Variants in ACER1 observed in about 807,000 individuals in gnomAD.
The protein encoded by ACER1 is CTB-180A7.3.
ACER1 carries 28 observed loss-of-function variants against 24.9 expected under a neutral mutation model. That is an observed-to-expected ratio of 1.13 (90% CI 0.83 to 1.54). ACER1 has a LOEUF of 1.54. ACER1 is among the 40% of genes most tolerant of loss of function. The pLI is 0.00. For missense variants in ACER1, 352 were observed against 349.3 expected, an observed-to-expected ratio of 1.01 and a Z score of -0.06; for synonymous variants, 132 against 131.4, an observed-to-expected ratio of 1.00 and a Z score of -0.03.
chr19:6,346,646 G>A, the ACER1 span, among the ~76,000 whole-genome samples: 1 of 150,718 alleles, frequency 6.6e-6, no homozygotes, highest in Non-Finnish European at 1.5e-5. Flanking sequence ...CTCCCAAAAT[G>A]CTAGGATAAT....
chr19:6,306,621 G>T lies in ACER1; in HGVS notation c.*93C>A. On this transcript the variant is annotated 3_prime_UTR_variant, in exon 6 of 6. Transcript: ENST00000301452. ...AAGGGGAAACAGAGGAAGGAACCACGAGTGTCCCGCAGGTGCAAGTCCTGA... is the reference window on the plus strand; with the variant it reads ...AAGGGGAAACAGAGGAAGGAACCACTAGTGTCCCGCAGGTGCAAGTCCTGA... 1 of 1,436,642 alleles carries T rather than the reference G, an allele frequency of 7.0e-7. No individual in the cohort carries two copies. Among genetic ancestry groups the T allele is most frequent in the Non-Finnish European group, 9.5e-7 (1 of 1,058,196 alleles). The allele number at this position is 1,436,642 out of a possible 1,614,324, so 89.0% of individuals were successfully genotyped here.
the ACER1 span, among the ~76,000 whole-genome samples, chr19:6,356,959 C>A: frequency 7.0e-6 from 1 of 142,194 alleles, no homozygotes; most frequent in Admixed American, 6.8e-5. Context: ...GAAAATTAAA[C>A]AAGGCAAATG....
In ACER1 at chr19:6,312,117, CA is replaced by C. The variant is rs757229824; in HGVS notation, c.350+31del. The C allele has an allele frequency of 2.6e-5, 42 of 1,607,980 alleles. No homozygotes were observed. In the East Asian group the frequency reaches 8.7e-4, roughly 33 times the overall value. ...TAGAGTCAACTGAAGACTCAGACCC[CA>C]CCCTGTCCAGATGGCCAGCCCCTGA... On this transcript the variant is annotated intron_variant, in intron 3 of 5. Transcript: ENST00000301452.
upstream of ACER1, among the ~76,000 whole-genome samples, chr19:6,337,314 A>T (rs1038482637): frequency 6.6e-6 from 1 of 152,166 alleles, no homozygotes; most frequent in Non-Finnish European, 1.5e-5. Context: ...AAAAGAAAAG[A>T]AAAGCCCTTC....
intron 4 of ACER1, 40 bp from the exon 5 acceptor site, chr19:6,307,330 GCAGCAC>G: frequency 6.2e-7 from 1 of 1,609,014 alleles, no homozygotes; most frequent in Non-Finnish European, 8.5e-7. Flanking sequence ...GGCTCGGAGA[GCAGCAC>G]CTGATGGGGC....
At chr19:6,352,270 T>A in the ACER1 span, among the ~76,000 whole-genome samples, 1 of 152,054 alleles carries the variant, frequency 6.6e-6, no homozygotes, top group African/African-American at 2.4e-5. Context: ...CTCTGACCAA[T>A]GGAATGTGGC....
At chr19:6,325,419 G>A (rs760984379) in intron 1 of ACER1, among the ~76,000 whole-genome samples, 3 of 152,222 alleles carry the variant, frequency 2.0e-5, no homozygotes, top group Non-Finnish European at 2.9e-5. Context: ...TTGGGAGGCT[G>A]AGGTGGGTGG....
intron 1 of ACER1, among the ~76,000 whole-genome samples, chr19:6,327,136 C>A (rs2091664978): frequency 6.6e-6 from 1 of 152,158 alleles, no homozygotes; most frequent in South Asian, 2.1e-4. Flanking sequence ...CCAAACAGAG[C>A]AGCAAGAAAG....
At chr19:6,358,718 G>A in the ACER1 span, among the ~76,000 whole-genome samples, 8 of 151,648 alleles carry the variant, frequency 5.3e-5, no homozygotes, top group Non-Finnish European at 8.8e-5. Context: ...TGGATCACCT[G>A]AGGTCGCGAG....
intron 1 of ACER1, among the ~76,000 whole-genome samples, chr19:6,326,437 T>TA (rs1267401742): frequency 6.6e-6 from 1 of 151,762 alleles, no homozygotes. Flanking sequence ...ATTTTTTTTT[T>TA]AATCTTTTGT....
upstream of ACER1, among the ~76,000 whole-genome samples, chr19:6,334,615 G>A (rs150754154): frequency 2.6e-3 from 403 of 152,248 alleles, no homozygotes; most frequent in Middle Eastern, 0.014. Context: ...CCAAGGTGCC[G>A]GGATTATACG....
At chr19:6,336,787 T>A (rs1415185530), upstream of ACER1, among the ~76,000 whole-genome samples, 3 of 146,376 alleles carry the variant, frequency 2.0e-5, no homozygotes, top group Non-Finnish European at 3.0e-5. Context: ...GCCACTGCAC[T>A]TCAGCCCGGG....
the ACER1 span, among the ~76,000 whole-genome samples, chr19:6,345,069 G>A: frequency 1.3e-5 from 2 of 151,924 alleles, no homozygotes; most frequent in Non-Finnish European, 2.9e-5. Flanking sequence ...GTTTCACCAC[G>A]TTGGCCAGGA....
At chr19:6,350,908 A>G in the ACER1 span, among the ~76,000 whole-genome samples, 1 of 152,162 alleles carries the variant, frequency 6.6e-6, no homozygotes, top group East Asian at 1.9e-4. Context: ...AGCAGATCTG[A>G]GCCAATAGAG....
At chr19:6,356,343 G>A in the ACER1 span, among the ~76,000 whole-genome samples, 4 of 149,066 alleles carry the variant, frequency 2.7e-5, no homozygotes, top group Non-Finnish European at 5.9e-5. Flanking sequence ...GCGGAAGGCC[G>A]CAGGGTCCTC....
intron 1 of ACER1, among the ~76,000 whole-genome samples, chr19:6,321,943 G>A (rs2091633331): frequency 6.6e-6 from 1 of 152,118 alleles, no homozygotes; most frequent in Non-Finnish European, 1.5e-5. Flanking sequence ...GATCACTGCT[G>A]TGTCCTCAGA....
chr19:6,309,634 G>C (rs2091567794), intron 4 of ACER1, 63 bp downstream of exon 4: 5 of 1,602,726 alleles, frequency 3.1e-6, no homozygotes, highest in Middle Eastern at 1.7e-4. Context: ...CGCGAGCCTG[G>C]AGTCAGGGGT....
chr19:6,340,320 G>C, the ACER1 span, among the ~76,000 whole-genome samples: 1 of 86,988 alleles, frequency 1.1e-5, no homozygotes, highest in Non-Finnish European at 2.4e-5. Context: ...AGGAAGGAAG[G>C]AAGGAAGGAA....
At chr19:6,308,765 G>T (rs1022587712) in intron 4 of ACER1, among the ~76,000 whole-genome samples, 5 of 152,132 alleles carry the variant, frequency 3.3e-5, no homozygotes, top group Non-Finnish European at 7.4e-5. Flanking sequence ...AAAATTAGGG[G>T]TGAAATTGTA....
Sources: allele counts gnomAD v4.1 joint callset (sites outside exome capture counted in the v4.1 genomes callset), GRCh38; gene constraint gnomAD v4.1.1; transcripts MANE v1.5; gene names NCBI Gene and HGNC (gene_info 2026-07-23, HGNC 2026-07-21).